Variants in RMDN2 observed in about 807,000 individuals in gnomAD.
RMDN2 encodes regulator of microtubule dynamics protein 2.
Under a neutral mutation model 52.8 loss-of-function variants are expected in RMDN2, and 61 were observed. The ratio of observed to expected loss-of-function variants is 1.16; its 90% CI spans 0.94 to 1.43. RMDN2 has a LOEUF of 1.43. RMDN2 is among the 40% of genes most tolerant of loss of function. The pLI is 0.00. For missense variants in RMDN2, 592 were observed against 475.3 expected, an observed-to-expected ratio of 1.25 and a Z score of -2.28; for synonymous variants, 180 against 153.1, an observed-to-expected ratio of 1.18 and a Z score of -1.30.
intron 10 of RMDN2, among the ~76,000 whole-genome samples, chr2:38,057,745 T>C (rs937087461): frequency 6.6e-6 from 1 of 152,136 alleles, no homozygotes; most frequent in African/African-American, 2.4e-5. Flanking sequence ...GTATAGTGAG[T>C]GGATTCTCAT....
intron 2 of RMDN2, among the ~76,000 whole-genome samples, chr2:37,931,804 C>T (rs1306675109): frequency 7.9e-5 from 12 of 152,200 alleles, no homozygotes; most frequent in South Asian, 2.1e-4. Context: ...AAACTAGACA[C>T]GTCAAAACTT....
chr2:37,989,195 T>G (rs1034257700), intron 5 of RMDN2, among the ~76,000 whole-genome samples: 1 of 152,214 alleles, frequency 6.6e-6, no homozygotes, highest in Non-Finnish European at 1.5e-5. Flanking sequence ...AGACTTTTTC[T>G]GAGAGTTTCT....
chr2:37,960,563 A>G (rs1451688398), intron 2 of RMDN2, among the ~76,000 whole-genome samples: 1 of 152,172 alleles, frequency 6.6e-6, no homozygotes, highest in Non-Finnish European at 1.5e-5. Context: ...TCTCCTGAAT[A>G]CAGCACACCA....
intron 2 of RMDN2, among the ~76,000 whole-genome samples, chr2:37,954,239 A>T (rs1222843407): frequency 6.6e-6 from 1 of 151,932 alleles, no homozygotes; most frequent in African/African-American, 2.4e-5. Flanking sequence ...TTTATTGCCT[A>T]TGCTTTTAGT....
intron 5 of RMDN2, among the ~76,000 whole-genome samples, chr2:37,981,869 G>A (rs565779302): frequency 2.0e-5 from 3 of 151,900 alleles, no homozygotes; most frequent in East Asian, 3.9e-4. Flanking sequence ...CCCTTTGTAT[G>A]TTTATGTAAA....
At chr2:38,042,426 A>ACACACCACACACACACACACAC (rs3057332) in intron 10 of RMDN2, among the ~76,000 whole-genome samples, 71 of 144,274 alleles carry the variant, frequency 4.9e-4, no homozygotes, top group African/African-American at 1.7e-3. Flanking sequence ...CACACACACC[A>ACACACCACACACACACACACAC]CACACACACA....
At chr2:37,966,410 CTG>C (rs1433286417) in intron 2 of RMDN2, among the ~76,000 whole-genome samples, 2 of 148,770 alleles carry the variant, frequency 1.3e-5, no homozygotes, top group Admixed American at 1.3e-4. Flanking sequence ...GAGTGAGGCT[CTG>C]TCTTAAAAAA....
intron 10 of RMDN2, among the ~76,000 whole-genome samples, chr2:38,025,839 T>C (rs1423969535): frequency 2.0e-5 from 3 of 152,114 alleles, no homozygotes; most frequent in Non-Finnish European, 2.9e-5. Context: ...CTTTTTATTG[T>C]ATCAGTGGGT....
chr2:37,962,144 G>A (rs1031022027), intron 2 of RMDN2, among the ~76,000 whole-genome samples: 2 of 152,254 alleles, frequency 1.3e-5, no homozygotes, highest in Non-Finnish European at 2.9e-5. Context: ...GCTGGGAGAT[G>A]TCTCCTCGTC....
chr2:38,000,931 T>G (rs1291313268), intron 8 of RMDN2, among the ~76,000 whole-genome samples: 1 of 152,200 alleles, frequency 6.6e-6, no homozygotes, highest in Non-Finnish European at 1.5e-5. Flanking sequence ...ATAAAACTAT[T>G]GATTCCAATG....
Position 37,956,031 on chromosome 2 carries a change from C to T in RMDN2, c.453-18009C>T, listed in dbSNP as rs72887126. 2.8e-3 allele frequency among the ~76,000 whole-genome samples: 431 copies of T among 152,188 alleles called. 7 individuals carry two copies. Among genetic ancestry groups the T allele is most frequent in the African/African-American group, 9.1e-3 (379 of 41,532 alleles). Reference sequence around the variant, plus strand: ...TTTTCTTTACTGGTAGTGTCTTTGTCTAGCTTTGATATCAGGGTAATGCTG... The same window carrying T: ...TTTTCTTTACTGGTAGTGTCTTTGTTTAGCTTTGATATCAGGGTAATGCTG... On this transcript the variant is annotated intron_variant, in intron 2 of 10. Transcript: ENST00000354545.
chr2:37,932,207 C>G (rs886282111), intron 2 of RMDN2, among the ~76,000 whole-genome samples: 1 of 149,332 alleles, frequency 6.7e-6, no homozygotes, highest in East Asian at 2.0e-4. Flanking sequence ...GAGGACCCTG[C>G]GGCCTTCCGC....
In RMDN2 at chr2:37,950,038, G is replaced by A. The variant is rs138407851; in HGVS notation, c.452+20309G>A. ...TTCCTTTGTGGTGGCAATGACATTT[G>A]CTACTTATTAAACTTTTTTTCCCTT... On this transcript the variant is annotated intron_variant, in intron 2 of 10. Transcript: ENST00000354545. 412 of 174,532 alleles carry A rather than the reference G, an allele frequency of 2.4e-3. 2 individuals are homozygous for A. The highest frequency in any genetic ancestry group is 9.0e-3 in the African/African-American group (377 of 41,938). The allele number at this position is 174,532 out of a possible 1,614,324, so 10.8% of individuals were successfully genotyped here.
upstream of RMDN2, among the ~76,000 whole-genome samples, chr2:37,922,443 C>T (rs1666056457): frequency 6.6e-6 from 1 of 151,180 alleles, no homozygotes; most frequent in African/African-American, 2.4e-5. Context: ...AAAATTGACA[C>T]TCCCATCTCA....
At chr2:37,933,790 A>AGGGGAGAGGGAGAC (rs1553345257) in intron 2 of RMDN2, among the ~76,000 whole-genome samples, 1 of 151,940 alleles carries the variant, frequency 6.6e-6, no homozygotes, top group African/African-American at 2.4e-5. Flanking sequence ...GACCGTGGAA[A>AGGGGAGAGGGAGAC]GGGGAGAGGG....
intron 10 of RMDN2, among the ~76,000 whole-genome samples, chr2:38,010,668 C>T (rs964744074): frequency 1.3e-5 from 2 of 152,200 alleles, no homozygotes; most frequent in East Asian, 1.9e-4. Context: ...CCAGGTGAGG[C>T]AATGTCTTGC....
rs1394119080 is a variant in RMDN2, at chr2:37,974,138, A to C, written c.551A>C (p.Gln184Pro). 6.2e-7 allele frequency: 1 copy of C among 1,613,504 alleles called. No individual in the cohort carries two copies. The highest frequency in any genetic ancestry group is 8.5e-7 in the Non-Finnish European group (1 of 1,179,518). Residue 184 changes from glutamine to proline, a missense_variant, in exon 3 of 11, where the codon CAG (glutamine) becomes CCG (proline). Physicochemically the swap from Gln to Pro is moderately conservative, Grantham distance 76. Transcript: ENST00000354545. ...VEELNLDVLL[Q>P]KVDHLRMSES... The stretch of plus-strand genomic sequence containing the variant: ...GAATTAAATTTAGATGTCCTTCTTC[A>C]GAAGGTAGATCATTTACGTATGAGT...
chr2:38,014,399 A>C (rs1678450151), intron 10 of RMDN2, among the ~76,000 whole-genome samples: 1 of 152,188 alleles, frequency 6.6e-6, no homozygotes, highest in African/African-American at 2.4e-5. Flanking sequence ...CAATATATGT[A>C]ATGGTCTTGG....
Position 38,017,515 on chromosome 2 carries a change from TTAAA to T in RMDN2, c.*281_*284del, listed in dbSNP as rs1316483610. The T allele has an allele frequency of 3.6e-6, 4 of 1,111,594 alleles. No individual in the cohort carries two copies. Among genetic ancestry groups the T allele is most frequent in the Non-Finnish European group, 4.8e-6 (4 of 839,250 alleles). The allele number at this position is 1,111,594 out of a possible 1,614,324, so 68.9% of individuals were successfully genotyped here. Reference sequence around the variant, plus strand: ...AAACTGCAGCCTTAAGAATATTTCTTTAAATAAAATATTTAAATCCAATAAAATG... The same window carrying T: ...AAACTGCAGCCTTAAGAATATTTCTTTAAAATATTTAAATCCAATAAAATG... On this transcript the variant is annotated 3_prime_UTR_variant, in exon 11 of 11. Transcript: ENST00000354545.
Sources: gnomAD v4.1 joint callset for allele counts (sites outside exome capture counted in the v4.1 genomes callset) on GRCh38, gnomAD v4.1.1 for gene constraint, MANE v1.5 for transcripts, NCBI Gene and HGNC (gene_info 2026-07-23, HGNC 2026-07-21) for gene names.